Variants in ZSCAN20 observed in about 807,000 individuals in gnomAD.
ZSCAN20 encodes zinc finger and SCAN domain-containing protein 20.
A neutral mutation model predicts 97.1 loss-of-function variants in ZSCAN20; 39 were observed. That is an observed-to-expected ratio of 0.40 (90% CI 0.31 to 0.52). The LOEUF (loss-of-function observed/expected upper bound fraction) is 0.52. Ranked by LOEUF, ZSCAN20 falls within the 20% of genes least tolerant of loss-of-function variation. The probability of loss-of-function intolerance (pLI) is 0.49; values close to 1 mark genes in which losing one functional copy is unlikely to be tolerated. For synonymous variants in ZSCAN20, 456 were observed against 467.3 expected (o/e 0.98, Z 0.31); for missense variants, 1,115 against 1,290.4 (o/e 0.86, Z 2.08).
At position 33,491,557 on chromosome 1, in the gene ZSCAN20, T is replaced by C; in HGVS notation, c.1299T>C (p.Ser433=). The C allele has an allele frequency of 6.2e-7, 1 of 1,614,046 alleles. No homozygotes were observed. Among genetic ancestry groups the C allele is most frequent in the Non-Finnish European group, 8.5e-7 (1 of 1,179,988 alleles). Residue 433 remains serine, a synonymous_variant, in exon 6 of 8, where the codon AGT becomes AGC. Transcript: ENST00000684572. The surrounding 1 kb of genome is among the most constrained non-coding windows in gnomAD (Gnocchi z 4.3). ...TGGCACTTCCCAGGCTCGGGTATAG[T>C]GACGCAGAGATGGATGAGCAGGAGG... is the stretch of plus-strand genomic sequence containing the variant. ...EAVALPRLGY[S]DAEMDEQEEG... is the part of the protein sequence containing the mutation.
rs545655121 is a variant in ZSCAN20, at chr1:33,500,705, C to G, written c.*5229C>G. Among the ~76,000 whole-genome samples the G allele has an allele frequency of 1.3e-5, 2 of 149,424 alleles. No homozygotes were observed. Among genetic ancestry groups the G allele is most frequent in the African/African-American group, 5.0e-5 (2 of 40,348 alleles). On this transcript the variant is annotated 3_prime_UTR_variant, in exon 8 of 8. Transcript: ENST00000684572. ...ACATTTTCATTGTAGAAAAATATCC[C>G]ATAAAAATTGTGCCCCCTAGAGGGC...
Position 33,491,046 on chromosome 1 carries a change from G to C in ZSCAN20, c.788G>C (p.Ser263Thr), listed in dbSNP as rs1652581936. 1 of 1,604,484 alleles carries C rather than the reference G, an allele frequency of 6.2e-7. No homozygotes were observed. ...GTAGGAGTTCCAGTTTCAAAACCAAGTAATACCTCCGAGAAAGAGCAAGGA... is the reference window on the plus strand; with the variant it reads ...GTAGGAGTTCCAGTTTCAAAACCAACTAATACCTCCGAGAAAGAGCAAGGA... ...VCLGVPVSKP[S>T]NTSEKEQGPE... The change falls in exon 6 of 8, where the codon AGT becomes ACT. Residue 263 changes from serine to threonine, a missense_variant. By Grantham distance (58) the Ser-to-Thr change is moderately conservative (BLOSUM62 1). Around this residue, in one of 3 missense-constraint regions of ZSCAN20, gnomAD observed 508 missense variants for 611.2 expected, o/e 0.83. Transcript: ENST00000684572. The surrounding 1 kb of genome is among the most constrained non-coding windows in gnomAD (Gnocchi z 4.3).
chr1:33,476,476 G>A (rs960600104), intron 1 of ZSCAN20, among the ~76,000 whole-genome samples: 1 of 152,180 alleles, frequency 6.6e-6, no homozygotes, highest in African/African-American at 2.4e-5. Context: ...ACTGCTAATT[G>A]CCTATTTTGT....
In ZSCAN20 at chr1:33,491,318, C is replaced by T. The variant is rs371224785; in HGVS notation, c.1060C>T (p.Arg354Cys). ...SEKLRTCHQN[R>C]QVYRAIAEQL... Reference sequence around the variant, plus strand: ...AAAGCTCCGGACTTGTCACCAGAACCGCCAGGTATATCGGGCCATTGCAGA... The same window carrying T: ...AAAGCTCCGGACTTGTCACCAGAACTGCCAGGTATATCGGGCCATTGCAGA... Residue 354 changes from arginine (R) to cysteine (C), a missense_variant, in exon 6 of 8, where the codon CGC becomes TGC. Around this residue, in one of 3 missense-constraint regions of ZSCAN20, gnomAD observed 508 missense variants for 611.2 expected, o/e 0.83. Coordinates refer to ENST00000684572, the MANE Select transcript of ZSCAN20 (RefSeq NM_001377376.1). This position sits in a 1 kb window ranked among gnomAD's most constrained non-coding sequence, Gnocchi z 4.3. The T allele has an allele frequency of 1.2e-5, 20 of 1,614,102 alleles. No homozygotes were observed. The highest frequency in any genetic ancestry group is 8.0e-5 in the African/African-American group (6 of 75,032).
chr1:33,491,479 C>T lies in ZSCAN20; in HGVS notation c.1221C>T (p.Ala407=). 6.2e-7 allele frequency: 1 copy of T among 1,614,060 alleles called. No homozygotes were observed. Residue 407 remains alanine, a synonymous_variant, in exon 6 of 8, where the codon GCC becomes GCT. Transcript: ENST00000684572. The surrounding 1 kb of genome is among the most constrained non-coding windows in gnomAD (Gnocchi z 4.3). ...GCCCCTTCTATGAGGAGCTGGAGGC[C>T]CTGGTCAGGGCTCGGACAGCCATCA... is the stretch of plus-strand genomic sequence containing the variant. ...GTCPFYEELE[A]LVRARTAIRA...
In ZSCAN20 at chr1:33,501,010, G is replaced by A. The variant is rs1013996272; in HGVS notation, c.*5534G>A. Reference sequence around the variant, plus strand: ...ATTCGTGGACCACAGAGAAGCTTCCGCATATTTATAGGCACTGGGGACCAG... The same window carrying A: ...ATTCGTGGACCACAGAGAAGCTTCCACATATTTATAGGCACTGGGGACCAG... On this transcript the variant is annotated 3_prime_UTR_variant, in exon 8 of 8. Transcript: ENST00000684572. Among the ~76,000 whole-genome samples the A allele has an allele frequency of 1.3e-5, 2 of 152,144 alleles. No individual in the cohort carries two copies. Among genetic ancestry groups the A allele is most frequent in the Non-Finnish European group, 2.9e-5 (2 of 68,020 alleles).
In ZSCAN20 at chr1:33,494,268, T is replaced by A; in HGVS notation, c.1924T>A (p.Phe642Ile). ...DEDQISEQDIFEGLPGALSKC... is the reference protein window; with the variant it reads ...DEDQISEQDIIEGLPGALSKC... Reference sequence around the variant, plus strand: ...AGACCAGATTTCAGAGCAGGACATTTTTGAGGGTTTGCCTGGAGCCTTATC... The same window carrying A: ...AGACCAGATTTCAGAGCAGGACATTATTGAGGGTTTGCCTGGAGCCTTATC... Residue 642 changes from phenylalanine (F) to isoleucine (I), a missense_variant, in exon 8 of 8, where the codon TTT becomes ATT. Transcript: ENST00000684572. The A allele has an allele frequency of 1.2e-6, 2 of 1,603,648 alleles. No individual in the cohort carries two copies. The highest frequency in any genetic ancestry group is 1.3e-5 in the African/African-American group (1 of 74,388).
rs756611770 is a variant in ZSCAN20 at position 33,494,764 on chromosome 1, C to G, written c.2420C>G (p.Ser807Ter). Reference protein sequence around the residue: ...GECWKSFNQSSNLLKHQRIHL... With the variant: ...GECWKSFNQS ...TGTTGGAAAAGCTTCAACCAGAGCT[C>G]AAACCTTCTGAAACATCAGAGAATC... Residue 807 changes from serine (S) to a stop codon, truncating the protein, a stop_gained, in exon 8 of 8, where the codon TCA becomes TGA. Coordinates refer to ENST00000684572, the MANE Select transcript of ZSCAN20 (RefSeq NM_001377376.1). LOFTEE classifies it high-confidence loss of function. 1 of 1,614,158 alleles carries G rather than the reference C, an allele frequency of 6.2e-7. No homozygotes were observed.
intron 2 of ZSCAN20, among the ~76,000 whole-genome samples, chr1:33,480,951 C>T (rs1652133001): frequency 6.6e-6 from 1 of 152,198 alleles, no homozygotes; most frequent in Non-Finnish European, 1.5e-5. Context: ...TACTTACCCC[C>T]ATTTTGCTGG....
In ZSCAN20 at chr1:33,488,517, C is replaced by G. The variant is rs1401928170; in HGVS notation, c.470C>G (p.Ala157Gly). 2 of 1,614,008 alleles carry G rather than the reference C, an allele frequency of 1.2e-6. No individual in the cohort carries two copies. Among genetic ancestry groups the G allele is most frequent in the Non-Finnish European group, 1.7e-6 (2 of 1,180,018 alleles). The change falls in exon 3 of 8, where the codon GCT becomes GGT. Residue 157 changes from alanine (A) to glycine (G), a missense_variant. Physicochemically the swap from Ala to Gly is moderately conservative, Grantham distance 60. This residue lies in a region of ZSCAN20 where 508 missense variants were observed against 611.2 expected (regional missense o/e 0.83). Transcript: ENST00000684572. ...ETRPLKTGEE[A>G]QSFQLQPVDP... ...AGGCCCTTAAAGACAGGGGAAGAAG[C>G]TCAGAGCTTCCAGCTGCAGCCAGTG... is the stretch of plus-strand genomic sequence containing the variant.
intron 2 of ZSCAN20, among the ~76,000 whole-genome samples, chr1:33,486,303 C>A (rs1193023244): frequency 6.6e-6 from 1 of 152,220 alleles, no homozygotes; most frequent in African/African-American, 2.4e-5. Context: ...GTTGTCCACA[C>A]TGACCTTCCA....
Position 33,498,076 on chromosome 1 carries a change from G to C in ZSCAN20, c.*2600G>C, listed in dbSNP as rs1424677939. On this transcript the variant is annotated 3_prime_UTR_variant, in exon 8 of 8. Transcript: ENST00000684572. ...CTTGATAGTGCTGAATGGAGAGGAA[G>C]ATGGCCCTCAAAGGAGATCTAGACC... 6.6e-6 allele frequency among the ~76,000 whole-genome samples: 1 copy of C among 152,166 alleles called. No individual in the cohort carries two copies. The highest frequency in any genetic ancestry group is 1.5e-5 in the Non-Finnish European group (1 of 68,036).
intron 1 of ZSCAN20, among the ~76,000 whole-genome samples, chr1:33,474,212 TC>T (rs1344176057): frequency 2.6e-5 from 4 of 152,326 alleles, no homozygotes; most frequent in African/African-American, 9.6e-5. Context: ...GGCAGCCACT[TC>T]CAGTTGATTG....
Position 33,479,263 on chromosome 1 carries a change from C to G in ZSCAN20, c.-26C>G. The stretch of plus-strand genomic sequence containing the variant: ...AAGACATTGGATGAGGTCAGCATAG[C>G]TGAAGTGAGGTGTCTGGGTTAGACA... On this transcript the variant is annotated 5_prime_UTR_variant, in exon 2 of 8. Transcript: ENST00000684572. 1 of 1,569,880 alleles carries G rather than the reference C, an allele frequency of 6.4e-7. No homozygotes were observed. The highest frequency in any genetic ancestry group is 8.6e-7 in the Non-Finnish European group (1 of 1,156,212).
chr1:33,475,641 GCT>G (rs1651894178), intron 1 of ZSCAN20, among the ~76,000 whole-genome samples: 1 of 152,036 alleles, frequency 6.6e-6, no homozygotes, highest in Non-Finnish European at 1.5e-5. Context: ...TTTAAATCAT[GCT>G]CTTTCTCTCT....
At chr1:33,487,773 G>A (rs1652427232) in intron 2 of ZSCAN20, among the ~76,000 whole-genome samples, 3 of 152,094 alleles carry the variant, frequency 2.0e-5, no homozygotes, top group South Asian at 4.1e-4. Context: ...CTCTTGAGTA[G>A]CTGGGGGTAC....
chr1:33,475,807 G>A (rs1050587606), intron 1 of ZSCAN20, among the ~76,000 whole-genome samples: 5 of 146,772 alleles, frequency 3.4e-5, no homozygotes, highest in Admixed American at 2.8e-4. Flanking sequence ...TTACAGGTAC[G>A]AGCCACCACG....
rs572351118 is a variant in ZSCAN20, at chr1:33,491,297, C to T, written c.1039C>T (p.Leu347Phe). ...GAGTGAATCTCCTTTCTCTGAAAAG[C>T]TCCGGACTTGTCACCAGAACCGCCA... ...ILSESPFSEK[L>F]RTCHQNRQVY... The change falls in exon 6 of 8, where the codon CTC (leucine) becomes TTC (phenylalanine). Residue 347 changes from leucine to phenylalanine, a missense_variant. By Grantham distance (22) the Leu-to-Phe change is conservative (BLOSUM62 0). Around this residue, in one of 3 missense-constraint regions of ZSCAN20, gnomAD observed 508 missense variants for 611.2 expected, o/e 0.83. Transcript: ENST00000684572. The surrounding 1 kb of genome is among the most constrained non-coding windows in gnomAD (Gnocchi z 4.3). 1.2e-6 allele frequency: 2 copies of T among 1,614,012 alleles called. No individual in the cohort carries two copies. Among genetic ancestry groups the T allele is most frequent in the Non-Finnish European group, 1.7e-6 (2 of 1,180,012 alleles).
chr1:33,499,976 G>A lies in ZSCAN20; in HGVS notation c.*4500G>A, dbSNP rs908244703. Among the ~76,000 whole-genome samples the A allele has an allele frequency of 1.3e-5, 2 of 152,146 alleles. No homozygotes were observed. Among genetic ancestry groups the A allele is most frequent in the African/African-American group, 2.4e-5 (1 of 41,432 alleles). ...TGCCCCAATCTGCTACAAGGGGTTAGTGTTCCATGCAGTGGGAGTGCAGGG... is the reference window on the plus strand; with the variant it reads ...TGCCCCAATCTGCTACAAGGGGTTAATGTTCCATGCAGTGGGAGTGCAGGG... On this transcript the variant is annotated 3_prime_UTR_variant, in exon 8 of 8. Coordinates refer to ENST00000684572, the MANE Select transcript of ZSCAN20 (RefSeq NM_001377376.1).
Sources: allele counts gnomAD v4.1 joint callset (sites outside exome capture counted in the v4.1 genomes callset), GRCh38; gene constraint gnomAD v4.1.1; regional missense constraint gnomAD v4.1.1; non-coding constraint Gnocchi (gnomAD v3.1); transcripts MANE v1.5; gene names NCBI Gene and HGNC (gene_info 2026-07-23, HGNC 2026-07-21).